PIBF1: variants seen among roughly 807,000 people sequenced by gnomAD.
PIBF1 encodes progesterone-induced-blocking factor 1.
PIBF1 carries 90 observed loss-of-function variants against 112.5 expected under a neutral mutation model. The ratio of observed to expected loss-of-function variants is 0.80; its 90% CI spans 0.67 to 0.95. PIBF1 has a LOEUF of 0.95. Among genes scored for constraint, PIBF1 ranks in the 40% least tolerant of loss-of-function variants. The pLI is 0.00. For missense variants in PIBF1, 915 were observed against 852.3 expected (o/e 1.07, Z -0.92); for synonymous variants, 301 against 288.6 (o/e 1.04, Z -0.44).
chr13:72,998,689 A>G, intron 16 of PIBF1, 133 bp from the exon 17 acceptor site: 2 of 604,854 alleles, frequency 3.3e-6, no homozygotes, highest in South Asian at 4.6e-5. Flanking sequence ...GATTCTAATT[A>G]CTATTTTATT....
At chr13:72,868,967 C>T (rs969851917) in intron 10 of PIBF1, among the ~76,000 whole-genome samples, 6 of 151,676 alleles carry the variant, frequency 4.0e-5, no homozygotes, top group Non-Finnish European at 8.8e-5. Flanking sequence ...CAGGAAACAA[C>T]AGGTGCTGGA....
chr13:72,842,986 G>A (rs1041813477), intron 9 of PIBF1, among the ~76,000 whole-genome samples: 1 of 152,150 alleles, frequency 6.6e-6, no homozygotes. Context: ...TTCCAGATAT[G>A]AAGCAAGGTA....
chr13:73,006,579 T>C (rs2044039446), intron 17 of PIBF1, among the ~76,000 whole-genome samples: 1 of 152,210 alleles, frequency 6.6e-6, no homozygotes, highest in Non-Finnish European at 1.5e-5. Context: ...AACAAAGTAA[T>C]GATATCTACC....
rs548709196 is a variant in PIBF1, at chr13:72,848,539, G to A, written c.1224-5518G>A. On this transcript the variant is annotated intron_variant, in intron 9 of 17. Transcript: ENST00000326291. ...ATAATATTAAAACCCTTTTATTTAA[G>A]TAAATGATTAAGAACTTAACTCTTG... Among the ~76,000 whole-genome samples the A allele has an allele frequency of 1.5e-4, 23 of 152,236 alleles. No individual in the cohort carries two copies. The South Asian group carries it at 4.8e-3, about 32-fold the overall frequency.
intron 11 of PIBF1, among the ~76,000 whole-genome samples, chr13:72,902,296 T>A (rs1246087695): frequency 8.4e-6 from 1 of 118,580 alleles, no homozygotes. Flanking sequence ...ACTGCCCCGG[T>A]TGATGGGTGC....
Position 72,792,485 on chromosome 13 carries a change from C to A in PIBF1, c.291C>A (p.His97Gln). ...ELEEKLNDAL[H>Q]QKQLLTLRLD... ...AGGAGAAACTTAATGATGCACTTCA[C>A]CAGAAGCAGCTACTAACATTGAGAT... Residue 97 changes from histidine to glutamine, a missense_variant, in exon 3 of 18, where the codon CAC becomes CAA. Physicochemically the swap from His to Gln is conservative, Grantham distance 24. Transcript: ENST00000326291. 1 of 1,577,072 alleles carries A rather than the reference C, an allele frequency of 6.3e-7. No individual in the cohort carries two copies. Among genetic ancestry groups the A allele is most frequent in the Non-Finnish European group, 8.6e-7 (1 of 1,165,526 alleles).
intron 14 of PIBF1, among the ~76,000 whole-genome samples, chr13:72,956,635 C>T (rs1015943365): frequency 1.3e-5 from 2 of 152,190 alleles, no homozygotes; most frequent in African/African-American, 4.8e-5. Context: ...CCCTGGCTCT[C>T]GTCCTGTAAC....
chr13:72,796,569 T>C (rs1366341612), intron 4 of PIBF1, among the ~76,000 whole-genome samples: 1 of 152,080 alleles, frequency 6.6e-6, no homozygotes, highest in Admixed American at 6.6e-5. Context: ...GGAGTGGTGG[T>C]TGCTATTCTT....
At chr13:72,816,806 G>A (rs549897506) in intron 5 of PIBF1, among the ~76,000 whole-genome samples, 18 of 151,320 alleles carry the variant, frequency 1.2e-4, no homozygotes, top group African/African-American at 3.9e-4. Flanking sequence ...TTAATGCATA[G>A]CAGACTTTAC....
At chr13:72,849,423 G>T (rs534622254) in intron 9 of PIBF1, among the ~76,000 whole-genome samples, 88 of 152,224 alleles carry the variant, frequency 5.8e-4, no homozygotes, top group South Asian at 4.4e-3. Flanking sequence ...TTGAATTCCT[G>T]TAATTTGTTT....
chr13:72,920,477 C>T (rs1194174386), intron 13 of PIBF1, among the ~76,000 whole-genome samples: 1 of 152,210 alleles, frequency 6.6e-6, no homozygotes, highest in East Asian at 1.9e-4. Flanking sequence ...AGGTTAGGGT[C>T]TGATACATTT....
At chr13:72,956,675 T>A (rs1019702865) in intron 14 of PIBF1, among the ~76,000 whole-genome samples, 1 of 152,248 alleles carries the variant, frequency 6.6e-6, no homozygotes, top group Non-Finnish European at 1.5e-5. Context: ...ATTTAGCTGA[T>A]GTCTTCATCT....
intron 17 of PIBF1, among the ~76,000 whole-genome samples, chr13:73,007,447 C>A (rs2044069252): frequency 6.6e-6 from 1 of 151,858 alleles, no homozygotes; most frequent in Non-Finnish European, 1.5e-5. Flanking sequence ...TTTTGCTGTG[C>A]CCATTTTAAC....
At chr13:72,984,072 A>G (rs1566517521) in intron 16 of PIBF1, among the ~76,000 whole-genome samples, 1 of 152,146 alleles carries the variant, frequency 6.6e-6, no homozygotes, top group Admixed American at 6.5e-5. Flanking sequence ...TTCCCTATAA[A>G]GTTTTAGAAA....
chr13:72,913,757 G>A (rs927535693), intron 12 of PIBF1, among the ~76,000 whole-genome samples: 2 of 149,650 alleles, frequency 1.3e-5, no homozygotes, highest in African/African-American at 4.9e-5. Context: ...ATGAGACTCT[G>A]TCTCAAAAAA....
At chr13:72,808,531 A>AAATT (rs1263607590) in intron 5 of PIBF1, among the ~76,000 whole-genome samples, 2 of 152,156 alleles carry the variant, frequency 1.3e-5, no homozygotes, top group Non-Finnish European at 2.9e-5. Context: ...TTTTAGCAGG[A>AAATT]AATTACTTGG....
At chr13:72,999,731 C>G (rs1043943970) in intron 17 of PIBF1, among the ~76,000 whole-genome samples, 1 of 152,132 alleles carries the variant, frequency 6.6e-6, no homozygotes, top group Non-Finnish European at 1.5e-5. Context: ...TTATATAATT[C>G]AACCTCCCTT....
chr13:73,001,824 A>G (rs1395819670), intron 17 of PIBF1, among the ~76,000 whole-genome samples: 3 of 152,034 alleles, frequency 2.0e-5, no homozygotes, highest in Non-Finnish European at 2.9e-5. Context: ...AGGTTTCACC[A>G]TGTTGGTCAG....
At chr13:72,999,643 C>T (rs1216384465) in intron 17 of PIBF1, among the ~76,000 whole-genome samples, 8 of 152,144 alleles carry the variant, frequency 5.3e-5, no homozygotes, top group Admixed American at 5.2e-4. Flanking sequence ...AATATGAGAA[C>T]TTCTGATCTC....
Sources: gnomAD v4.1 joint callset for allele counts (sites outside exome capture counted in the v4.1 genomes callset) on GRCh38, gnomAD v4.1.1 for gene constraint, MANE v1.5 for transcripts, NCBI Gene and HGNC (gene_info 2026-07-23, HGNC 2026-07-21) for gene names.